The following NPHS1 variants were observed in gnomAD, a reference collection of about 807,000 sequenced individuals.
The protein encoded by NPHS1 is NPHS1 adhesion molecule, nephrin, also known as nephrin.
NPHS1 carries 107 observed loss-of-function variants against 139.7 expected under a neutral mutation model. The ratio of observed to expected loss-of-function variants is 0.77; its 90% CI spans 0.66 to 0.90. The LOEUF is 0.90. Among genes scored for constraint, NPHS1 ranks in the 40% least tolerant of loss-of-function variants. The pLI is 0.00. For synonymous variants in NPHS1, 707 were observed against 706.6 expected (o/e 1.00, Z -0.01); for missense variants, 1,580 against 1,654.2 (o/e 0.96, Z 0.78).
intron 23 of NPHS1, 33 bp downstream of exon 23, chr19:35,835,672 G>C (rs777806665): frequency 1.3e-6 from 2 of 1,598,558 alleles, no homozygotes; most frequent in Non-Finnish European, 1.7e-6. Context: ...ATTCTCAGGG[G>C]AGCCGGGAGG....
chr19:35,850,426 G>A lies in NPHS1; in HGVS notation c.546C>T (p.Asp182=). ...TILLSGQTIS[D]ISANVNEGSQ... is the part of the protein sequence containing the mutation. ...AGCCCTCGTTCACGTTTGCAGAGAT[G>A]TCAGATATTGTCTGTCCACCTTGGG... Residue 182 remains aspartate (D), a synonymous_variant, in exon 5 of 29, where the codon GAC becomes GAT. Transcript: ENST00000378910. The A allele has an allele frequency of 1.2e-6, 2 of 1,614,096 alleles. No individual in the cohort carries two copies. The highest frequency in any genetic ancestry group is 1.7e-6 in the Non-Finnish European group (2 of 1,179,968).
Position 35,845,346 on chromosome 19 carries a change from G to C in NPHS1, c.1930+22C>G. The C allele has an allele frequency of 6.2e-7, 1 of 1,613,944 alleles. No individual in the cohort carries two copies. The highest frequency in any genetic ancestry group is 2.2e-5 in the East Asian group (1 of 44,880). On this transcript the variant is annotated intron_variant, in intron 14 of 28. Coordinates refer to ENST00000378910, the MANE Select transcript of NPHS1 (RefSeq NM_004646.4). This position sits in a 1 kb window ranked among gnomAD's most constrained non-coding sequence, Gnocchi z 5.5. ...TAGGGTCAAGAAGGCATCGAGAGGG[G>C]CTTTCAGGCCGGGGCACATACACAG...
rs141699848 is a variant in NPHS1, at chr19:35,844,935, G to A, written c.1930+433C>T. Among the ~76,000 whole-genome samples the A allele has an allele frequency of 8.7e-3, 1,326 of 152,090 alleles. 12 individuals carry two copies. The highest frequency in any genetic ancestry group is 0.013 in the Non-Finnish European group (861 of 67,992). ...AGTCAAGGTGTTCAAGATCGGCCCG[G>A]GCAACATAGAGTAATGCCATCTCTA... On this transcript the variant is annotated intron_variant, in intron 14 of 28. Coordinates refer to ENST00000378910, the MANE Select transcript of NPHS1 (RefSeq NM_004646.4).
rs200253809 is a variant in NPHS1, at chr19:35,844,249, G to A, written c.2072-6C>T. On this transcript the variant is annotated splice_region_variant and splice_polypyrimidine_tract_variant and intron_variant, in intron 15 of 28. Transcript: ENST00000378910. ...GCGATGCCGGGGGCCGCCCGCTGGG[G>A]AAGGCCAGAATAAGGGACCTGGCAG... The A allele has an allele frequency of 3.0e-4, 487 of 1,613,586 alleles. 3 individuals are homozygous for A. In the African/African-American group the frequency reaches 5.4e-3, roughly 18 times the overall value.
intron 1 of NPHS1, 34 bp downstream of exon 1, chr19:35,851,746 T>G (rs186895051): frequency 1.0e-5 from 16 of 1,557,642 alleles, no homozygotes; most frequent in East Asian, 4.8e-5. Context: ...TGGGGGCCAC[T>G]TGGCGCTGGG....
rs749829958 is a variant in NPHS1 at position 35,831,297 on chromosome 19, G to A, written c.3386C>T (p.Thr1129Met). ...WTGERDTQSS[T>M]VSTTEAEPYY... ...GTCACCAGGGCCACCCCCACTTACC[G>A]TGGAGCTCTGAGTGTCCCGCTCTCC... The change falls in exon 26 of 29, where the codon ACG (threonine) becomes ATG (methionine). Residue 1129 changes from threonine to methionine, a missense_variant and splice_region_variant. Physicochemically the swap from Thr to Met is moderately conservative, Grantham distance 81. Coordinates refer to ENST00000378910, the MANE Select transcript of NPHS1 (RefSeq NM_004646.4). The A allele has an allele frequency of 1.1e-5, 18 of 1,613,976 alleles. No homozygotes were observed. Among genetic ancestry groups the A allele is most frequent in the Middle Eastern group, 1.6e-4 (1 of 6,062 alleles).
At position 35,851,953 on chromosome 19, in the gene NPHS1, T is replaced by C. The variant is rs1419648460; in HGVS notation, c.-116A>G. The C allele has an allele frequency of 3.6e-6, 3 of 827,450 alleles. No homozygotes were observed. Among genetic ancestry groups the C allele is most frequent in the Non-Finnish European group, 6.1e-6 (3 of 492,120 alleles). The allele number at this position is 827,450 out of a possible 1,614,324, so 51.3% of individuals were successfully genotyped here. On this transcript the variant is annotated 5_prime_UTR_variant, in exon 1 of 29. Coordinates refer to ENST00000378910, the MANE Select transcript of NPHS1 (RefSeq NM_004646.4). ...GCCACCTGCTTTTCTTTTTTATCTC[T>C]TTCCGTTACTCTCCTCCCTTTCTCG... is the stretch of plus-strand genomic sequence containing the variant.
At chr19:35,843,058 T>C (rs968889549) in intron 17 of NPHS1, among the ~76,000 whole-genome samples, 3 of 152,156 alleles carry the variant, frequency 2.0e-5, no homozygotes, top group African/African-American at 7.2e-5. Context: ...CATCAATTCA[T>C]CCATCATCCT....
Position 35,841,711 on chromosome 19 carries a change from A to G in NPHS1, c.2815+4T>C, listed in dbSNP as rs1013089121. On this transcript the variant is annotated splice_donor_region_variant and intron_variant, in intron 20 of 28. Transcript: ENST00000378910. ...TCCCCAACACCCTCACAGCCCCTCCATACTGATGCTGACAAGTTGAATGTT... is the reference window on the plus strand; with the variant it reads ...TCCCCAACACCCTCACAGCCCCTCCGTACTGATGCTGACAAGTTGAATGTT... 38 of 1,614,040 alleles carry G rather than the reference A, an allele frequency of 2.4e-5. No individual in the cohort carries two copies. The highest frequency in any genetic ancestry group is 2.9e-5 in the Non-Finnish European group (34 of 1,180,036).
Position 35,849,623 on chromosome 19 carries a change from C to G in NPHS1, c.639G>C (p.Gln213His), listed in dbSNP as rs779764581. ...GGCTAGACGCCTCACAGACCAGCAACTGCCTATTATCTGAGCTCCGGGGTG... is the reference window on the plus strand; with the variant it reads ...GGCTAGACGCCTCACAGACCAGCAAGTGCCTATTATCTGAGCTCCGGGGTG... The part of the protein sequence containing the change: ...RVTPRSSDNR[Q>H]LLVCEASSPA... The change falls in exon 6 of 29, where the codon CAG becomes CAC. Residue 213 changes from glutamine (Q) to histidine (H), a missense_variant. By Grantham distance (24) the Gln-to-His change is conservative. Transcript: ENST00000378910. The G allele has an allele frequency of 5.6e-6, 9 of 1,613,936 alleles. No homozygotes were observed. Among genetic ancestry groups the G allele is most frequent in the East Asian group, 4.5e-5 (2 of 44,894 alleles).
At chr19:35,847,057 T>A (rs1046865234) in intron 11 of NPHS1, among the ~76,000 whole-genome samples, 3 of 152,004 alleles carry the variant, frequency 2.0e-5, no homozygotes, top group Non-Finnish European at 2.9e-5. Context: ...TTCTTTTCTT[T>A]TTTTTTGAGA....
In NPHS1 at chr19:35,852,383, A is replaced by G. The variant is rs1973293478; in HGVS notation, c.-546T>C. ...TCCTGCTCCTTGTCTCACTACTCACAGCCTTTCAAGAAGGACCTGCAGCCC... is the reference window on the plus strand; with the variant it reads ...TCCTGCTCCTTGTCTCACTACTCACGGCCTTTCAAGAAGGACCTGCAGCCC... On this transcript the variant is annotated 5_prime_UTR_variant, in exon 1 of 29. Coordinates refer to ENST00000378910, the MANE Select transcript of NPHS1 (RefSeq NM_004646.4). Among the ~76,000 whole-genome samples the G allele has an allele frequency of 1.3e-5, 2 of 151,566 alleles. No homozygotes were observed. The highest frequency in any genetic ancestry group is 4.1e-4 in the South Asian group (2 of 4,820).
At position 35,845,692 on chromosome 19, in the gene NPHS1, C is replaced by T. The variant is rs1973129633; in HGVS notation, c.1734G>A (p.Leu578=). The T allele has an allele frequency of 1.9e-6, 3 of 1,614,002 alleles. No individual in the cohort carries two copies. The highest frequency in any genetic ancestry group is 2.5e-6 in the Non-Finnish European group (3 of 1,179,922). Residue 578 remains leucine, a synonymous_variant, in exon 13 of 29, where the codon TTG becomes TTA. Transcript: ENST00000378910. The surrounding 1 kb of genome is among the most constrained non-coding windows in gnomAD (Gnocchi z 5.5). ...VSVSSNPPVN[L]SWDKEGERLE... ...ACCTCTCCCCTTCCTTGTCCCAGGA[C>T]AAGTTGACCGGCGGATTGCTGCTGA...
intron 23 of NPHS1, among the ~76,000 whole-genome samples, chr19:35,832,180 G>A (rs976761160): frequency 2.0e-5 from 3 of 152,138 alleles, no homozygotes; most frequent in Non-Finnish European, 2.9e-5. Flanking sequence ...ACACCTCAGA[G>A]CTTTGGAATA....
At chr19:35,848,517 T>C (rs1168387105) in intron 9 of NPHS1, 120 bp from the exon 10 acceptor site, 10 of 1,581,760 alleles carry the variant, frequency 6.3e-6, no homozygotes, top group Non-Finnish European at 8.6e-6. Context: ...CCCCCTCTGT[T>C]GGACCCATGG....
rs1231415297 is a variant in NPHS1, at chr19:35,848,801, G to A, written c.1013-7C>T. The A allele has an allele frequency of 6.2e-7, 1 of 1,614,050 alleles. No homozygotes were observed. Among genetic ancestry groups the A allele is most frequent in the East Asian group, 2.2e-5 (1 of 44,886 alleles). ...ATAATGGCACTAGGGGGAACTGCAG[G>A]GACAGAGAAGGAAGACACTAAGCTG... On this transcript the variant is annotated splice_region_variant and splice_polypyrimidine_tract_variant and intron_variant, in intron 8 of 28. Coordinates refer to ENST00000378910, the MANE Select transcript of NPHS1 (RefSeq NM_004646.4).
chr19:35,846,583 AG>A (rs1440135993), intron 11 of NPHS1, among the ~76,000 whole-genome samples: 1 of 152,236 alleles, frequency 6.6e-6, no homozygotes, highest in Non-Finnish European at 1.5e-5. Flanking sequence ...GGCCTTTCCC[AG>A]AGTTCCTCAG....
intron 21 of NPHS1, 27 bp from the exon 22 acceptor site, chr19:35,839,445 A>C: frequency 6.2e-7 from 1 of 1,613,902 alleles, no homozygotes; most frequent in Non-Finnish European, 8.5e-7. Context: ...TAGTAAATTC[A>C]GGGAAGTGCC....
At chr19:35,826,779 A>G (rs1972806059) in intron 28 of NPHS1, 134 bp from the exon 29 acceptor site, 3 of 932,444 alleles carry the variant, frequency 3.2e-6, no homozygotes, top group Non-Finnish European at 5.1e-6. Context: ...CCCAACATAT[A>G]CAAAAAAGGA....
Sources: gnomAD v4.1 joint callset for allele counts (sites outside exome capture counted in the v4.1 genomes callset) on GRCh38, gnomAD v4.1.1 for gene constraint, Gnocchi (gnomAD v3.1) non-coding constraint, MANE v1.5 for transcripts, NCBI Gene and HGNC (gene_info 2026-07-23, HGNC 2026-07-21) for gene names.